SLC24A3: variants seen among roughly 807,000 people sequenced by gnomAD.
SLC24A3 encodes solute carrier family 24 member 3.
In SLC24A3, 28 loss-of-function variants were observed where a neutral mutation model predicts 75.8. The ratio of observed to expected loss-of-function variants is 0.37; its 90% CI spans 0.27 to 0.51. The LOEUF is 0.51. Ranked by LOEUF, SLC24A3 falls within the 20% of genes least tolerant of loss-of-function variation. The pLI is 0.94. For missense variants in SLC24A3, 663 were observed against 847.8 expected, an observed-to-expected ratio of 0.78 and a Z score of 2.71; for synonymous variants, 372 against 334.1, an observed-to-expected ratio of 1.11 and a Z score of -1.24.
At chr20:19,275,281 G>A (rs1317792331) in intron 1 of SLC24A3, among the ~76,000 whole-genome samples, 1 of 152,188 alleles carries the variant, frequency 6.6e-6, no homozygotes, top group Admixed American at 6.5e-5. Context: ...TGGCTTGGCT[G>A]CTTACCTGCA....
rs747719935 is a variant in SLC24A3 at position 19,721,122 on chromosome 20, C to G, written c.1917C>G (p.Pro639=). 3 of 1,614,158 alleles carry G rather than the reference C, an allele frequency of 1.9e-6. 1 individual carries two copies. Among genetic ancestry groups the G allele is most frequent in the South Asian group, 2.2e-5 (2 of 91,082 alleles). Residue 639 remains proline, a synonymous_variant, in exon 17 of 17, where the codon CCC becomes CCG. Coordinates refer to ENST00000328041, the MANE Select transcript of SLC24A3 (RefSeq NM_020689.4). ...EFNVFTFVNL[P]MCGDH ...ACGTGTTCACCTTTGTGAACCTGCC[C>G]ATGTGCGGGGACCACTGAGCCGCCG...
intron 12 of SLC24A3, among the ~76,000 whole-genome samples, chr20:19,689,233 G>A (rs905496077): frequency 2.6e-5 from 4 of 152,100 alleles, no homozygotes; most frequent in Non-Finnish European, 4.4e-5. Flanking sequence ...TTTTATTGCC[G>A]ATATTATCGG....
intron 1 of SLC24A3, chr20:19,257,784 G>A (rs574574503): frequency 1.8e-4 from 28 of 152,232 alleles, no homozygotes; most frequent in African/African-American, 6.7e-4. Flanking sequence ...TATTTCCATT[G>A]GGAGCTTGAG....
intron 2 of SLC24A3, among the ~76,000 whole-genome samples, chr20:19,349,903 C>T (rs1985526746): frequency 6.6e-6 from 1 of 152,170 alleles, no homozygotes; most frequent in Non-Finnish European, 1.5e-5. Flanking sequence ...ACACAGGTTA[C>T]CACTGTGTGG....
At chr20:19,616,806 C>A (rs531495805) in intron 6 of SLC24A3, among the ~76,000 whole-genome samples, 1 of 152,284 alleles carries the variant, frequency 6.6e-6, no homozygotes, top group South Asian at 2.1e-4. Context: ...AGAGCCCAAA[C>A]CTGCTTCTGT....
In SLC24A3 at chr20:19,293,530, C is replaced by T. The variant is rs983380607; in HGVS notation, c.271+12443C>T. Among the ~76,000 whole-genome samples, 16 of 151,840 alleles carry T rather than the reference C, an allele frequency of 1.1e-4. No individual in the cohort carries two copies. The East Asian group carries it at 1.6e-3, about 15-fold the overall frequency. On this transcript the variant is annotated intron_variant, in intron 2 of 16. Transcript: ENST00000328041. Reference sequence around the variant, plus strand: ...AATTAGTTGGGCGTGGTGGCAGGCACCTGTAATCCCAGCTACTTGGGAGGC... The same window carrying T: ...AATTAGTTGGGCGTGGTGGCAGGCATCTGTAATCCCAGCTACTTGGGAGGC...
At chr20:19,718,928 A>G (rs1390482161) in intron 16 of SLC24A3, among the ~76,000 whole-genome samples, 2 of 152,248 alleles carry the variant, frequency 1.3e-5, no homozygotes, top group Non-Finnish European at 2.9e-5. Context: ...AAAAGAGAGA[A>G]GAGCCCCAAG....
Position 19,456,291 on chromosome 20 carries a change from C to T in SLC24A3, c.272-59197C>T, listed in dbSNP as rs905706587. On this transcript the variant is annotated intron_variant, in intron 2 of 16. Coordinates refer to ENST00000328041, the MANE Select transcript of SLC24A3 (RefSeq NM_020689.4). ...CCAAAATCTCATCTTGAATTGTATT[C>T]CCATAATTCCCATGTGTTGTGGGAG... Among the ~76,000 whole-genome samples the T allele has an allele frequency of 2.0e-5, 3 of 152,254 alleles. No homozygotes were observed. The South Asian group carries it at 6.2e-4, about 32-fold the overall frequency.
At chr20:19,403,781 A>G (rs1215437518) in intron 2 of SLC24A3, among the ~76,000 whole-genome samples, 2 of 152,230 alleles carry the variant, frequency 1.3e-5, no homozygotes, top group Admixed American at 6.5e-5. Context: ...GACATATTTC[A>G]GGAATCATAA....
intron 2 of SLC24A3, among the ~76,000 whole-genome samples, chr20:19,501,861 T>C (rs1270266150): frequency 1.3e-5 from 2 of 152,102 alleles, no homozygotes; most frequent in Admixed American, 1.3e-4. Flanking sequence ...TGTCAGCCCA[T>C]CCCAACAACC....
chr20:19,337,452 GTAAATAAA>G (rs60082767), intron 2 of SLC24A3, among the ~76,000 whole-genome samples: 25,708 of 150,718 alleles, frequency 0.17, 3,917 homozygotes, highest in African/African-American at 0.39. Flanking sequence ...CTCAAAATAA[GTAAATAAA>G]TAAATAAATA....
At chr20:19,472,425 G>A (rs1307964482) in intron 2 of SLC24A3, among the ~76,000 whole-genome samples, 2 of 152,218 alleles carry the variant, frequency 1.3e-5, no homozygotes, top group African/African-American at 4.8e-5. Flanking sequence ...GTAGGATGTA[G>A]GCTTTGCTAG....
chr20:19,339,351 ATAAAT>A (rs1475358059), intron 2 of SLC24A3, among the ~76,000 whole-genome samples: 6 of 152,152 alleles, frequency 3.9e-5, no homozygotes, highest in Non-Finnish European at 8.8e-5. Flanking sequence ...AAGCATGTAA[ATAAAT>A]GCACTTGATG....
chr20:19,371,673 G>A (rs866772351), intron 2 of SLC24A3, among the ~76,000 whole-genome samples: 30 of 152,098 alleles, frequency 2.0e-4, no homozygotes, highest in African/African-American at 7.0e-4. Context: ...GTTTTTTAGT[G>A]GTATATTTCC....
At chr20:19,446,956 C>T (rs1022114389) in intron 2 of SLC24A3, among the ~76,000 whole-genome samples, 2 of 152,184 alleles carry the variant, frequency 1.3e-5, no homozygotes, top group African/African-American at 4.8e-5. Context: ...CTGTGGTCCC[C>T]AGCATCTCTC....
intron 1 of SLC24A3, among the ~76,000 whole-genome samples, chr20:19,251,010 T>C (rs918551398): frequency 3.3e-5 from 5 of 152,254 alleles, no homozygotes; most frequent in African/African-American, 1.2e-4. Flanking sequence ...CTTTTCCATA[T>C]ATAAATGATT....
At chr20:19,404,775 G>T (rs1986612864) in intron 2 of SLC24A3, among the ~76,000 whole-genome samples, 1 of 152,086 alleles carries the variant, frequency 6.6e-6, no homozygotes, top group African/African-American at 2.4e-5. Flanking sequence ...CAAGAGCTTG[G>T]CCATGGCTGA....
At chr20:19,574,143 C>T (rs755666824) in intron 3 of SLC24A3, among the ~76,000 whole-genome samples, 12 of 152,210 alleles carry the variant, frequency 7.9e-5, no homozygotes, top group Non-Finnish European at 1.6e-4. Context: ...AGGCGTGTCT[C>T]AGAATAGAAT....
chr20:19,257,206 G>A (rs774960693), intron 1 of SLC24A3, among the ~76,000 whole-genome samples: 1 of 152,212 alleles, frequency 6.6e-6, no homozygotes, highest in East Asian at 1.9e-4. Context: ...CATAAGGCGA[G>A]CCCAGGAGCT....
Sources: gnomAD v4.1 joint callset for allele counts (sites outside exome capture counted in the v4.1 genomes callset) on GRCh38, gnomAD v4.1.1 for gene constraint, MANE v1.5 for transcripts, NCBI Gene and HGNC (gene_info 2026-07-23, HGNC 2026-07-21) for gene names.